Variants in TMX2 observed in about 807,000 individuals in gnomAD.
The protein encoded by TMX2 is thioredoxin-related transmembrane protein 2.
Under a neutral mutation model 33.4 loss-of-function variants are expected in TMX2, and 20 were observed. The ratio of observed to expected loss-of-function variants is 0.60; its 90% CI spans 0.42 to 0.87. The LOEUF is 0.87. TMX2 is among the 40% of genes least tolerant of loss of function. TMX2 has a pLI of 0.00. For synonymous variants in TMX2, 166 were observed against 140.7 expected, an observed-to-expected ratio of 1.18 and a Z score of -1.27; for missense variants, 340 against 370.7, an observed-to-expected ratio of 0.92 and a Z score of 0.68.
intron 3 of TMX2, 21 bp from the exon 4 acceptor site, chr11:57,738,333 A>G: frequency 1.3e-6 from 2 of 1,566,024 alleles, no homozygotes; most frequent in South Asian, 1.1e-5. Flanking sequence ...GTTTCCTTCG[A>G]CATCTTCTTT....
intron 1 of TMX2, among the ~76,000 whole-genome samples, chr11:57,736,569 A>T (rs1455478278): frequency 6.6e-6 from 1 of 151,916 alleles, no homozygotes; most frequent in East Asian, 1.9e-4. Context: ...GATTATCACG[A>T]TGCATATTGG....
Position 57,712,675 on chromosome 11 carries a change from A to G in TMX2, c.57A>G (p.Arg19=), listed in dbSNP as rs747774476. The stretch of plus-strand genomic sequence containing the variant: ...TGTATTCGGTGCCGCGACTTTCACG[A>G]TGGCTCGCCCAACCTTACTACCTTC... ...ALVYSVPRLS[R]WLAQPYYLLS... Residue 19 remains arginine (R), a synonymous_variant, in exon 1 of 8, where the codon CGA becomes CGG. Coordinates refer to ENST00000278422, the MANE Select transcript of TMX2 (RefSeq NM_015959.4). The G allele has an allele frequency of 6.2e-6, 10 of 1,614,158 alleles. No individual in the cohort carries two copies. In the East Asian group the frequency reaches 1.8e-4, roughly 29 times the overall value.
intron 1 of TMX2, among the ~76,000 whole-genome samples, chr11:57,734,578 T>C (rs1169691311): frequency 1.3e-5 from 2 of 151,494 alleles, no homozygotes; most frequent in Non-Finnish European, 2.9e-5. Flanking sequence ...TGAAACCCCA[T>C]CTCTACTAAA....
chr11:57,718,603 A>T, intron 1 of TMX2: 1 of 485,994 alleles, frequency 2.1e-6, no homozygotes. Flanking sequence ...GTTTAGTTTT[A>T]TCTATATCAT....
intron 1 of TMX2, among the ~76,000 whole-genome samples, chr11:57,726,324 A>C (rs1216424315): frequency 1.3e-5 from 2 of 151,906 alleles, no homozygotes; most frequent in Non-Finnish European, 2.9e-5. Flanking sequence ...GAGGTAGGAG[A>C]ATTGCTTGAA....
chr11:57,738,413 A>G lies in TMX2; in HGVS notation c.424A>G (p.Asn142Asp), dbSNP rs771566111. Residue 142 changes from asparagine to aspartate, a missense_variant, in exon 4 of 8, where the codon AAT (asparagine) becomes GAT (aspartate). By Grantham distance (23) the Asn-to-Asp change is conservative (BLOSUM62 1). Coordinates refer to ENST00000278422, the MANE Select transcript of TMX2 (RefSeq NM_015959.4). ...YMGPEYIKYF[N>D]DKTIDEELER... ...GGGCCCTGAGTATATCAAGTACTTCAATGATAAAACCATTGATGTGAGTGC... is the reference window on the plus strand; with the variant it reads ...GGGCCCTGAGTATATCAAGTACTTCGATGATAAAACCATTGATGTGAGTGC... 83 of 1,611,812 alleles carry G rather than the reference A, an allele frequency of 5.1e-5. No individual in the cohort carries two copies. The highest frequency in any genetic ancestry group is 6.9e-5 in the Non-Finnish European group (81 of 1,178,110).
At position 57,737,671 on chromosome 11, in the gene TMX2, A is replaced by G. The variant is rs963469964; in HGVS notation, c.250+3A>G. ...GATGATGAAGAACCGCAGATCCAGT[A>G]AGTTTAGTTCACTTCTCAGACTCAA... On this transcript the variant is annotated splice_donor_region_variant and intron_variant, in intron 2 of 7. Coordinates refer to ENST00000278422, the MANE Select transcript of TMX2 (RefSeq NM_015959.4). 56 of 1,613,700 alleles carry G rather than the reference A, an allele frequency of 3.5e-5. No individual in the cohort carries two copies. The highest frequency in any genetic ancestry group is 4.7e-5 in the Non-Finnish European group (55 of 1,179,682).
intron 1 of TMX2, among the ~76,000 whole-genome samples, chr11:57,728,935 T>C (rs992813395): frequency 1.8e-4 from 28 of 152,090 alleles, no homozygotes; most frequent in African/African-American, 6.3e-4. Context: ...GAAACACACA[T>C]GAGGGCTGAT....
At chr11:57,718,467 C>A (rs989697095) in intron 1 of TMX2, 34 of 1,024,434 alleles carry the variant, frequency 3.3e-5, no homozygotes, top group Admixed American at 5.2e-5. Flanking sequence ...GCAAACAGCT[C>A]GAAGGAGATG....
intron 4 of TMX2, 48 bp from the exon 5 acceptor site, chr11:57,738,616 C>T: frequency 6.6e-7 from 1 of 1,525,740 alleles, no homozygotes; most frequent in Non-Finnish European, 9.1e-7. Context: ...TGAACCTTCC[C>T]AGGAGGCTAT....
At chr11:57,737,697 G>A in intron 2 of TMX2, 29 bp downstream of exon 2, 2 of 1,607,186 alleles carry the variant, frequency 1.2e-6, no homozygotes, top group Non-Finnish European at 1.7e-6. Flanking sequence ...TCAGACTCAA[G>A]GTTAGATCTA....
Position 57,717,176 on chromosome 11 carries a change from A to G in TMX2, c.189+4369A>G, listed in dbSNP as rs537158593. Among the ~76,000 whole-genome samples, 312 of 150,160 alleles carry G rather than the reference A, an allele frequency of 2.1e-3. 3 individuals carry two copies. The highest frequency in any genetic ancestry group is 0.016 in the Admixed American group (237 of 15,124). ...TGGGAAGAGGCGCTCCTCACTTCCT[A>G]GATGGGATGGCGGCCGGGCAGAGAC... On this transcript the variant is annotated intron_variant, in intron 1 of 7. Transcript: ENST00000278422.
In TMX2 at chr11:57,738,692, C is replaced by T; in HGVS notation, c.470C>T (p.Thr157Ile). 1.2e-6 allele frequency: 2 copies of T among 1,614,028 alleles called. No homozygotes were observed. The highest frequency in any genetic ancestry group is 1.7e-6 in the Non-Finnish European group (2 of 1,180,042). Residue 157 changes from threonine (T) to isoleucine (I), a missense_variant, in exon 5 of 8, where the codon ACT becomes ATT. Thr to Ile is a moderately conservative substitution (Grantham distance 89). Around this residue, in one of 3 missense-constraint regions of TMX2, gnomAD observed 209 missense variants for 241.6 expected, o/e 0.87. Transcript: ENST00000278422. ...GAACTAGAACGGGACAAGAGGGTCA[C>T]TTGGATTGTGGAGTTCTTTGCCAAT... ...DEELERDKRVTWIVEFFANWS... is the reference protein window; with the variant it reads ...DEELERDKRVIWIVEFFANWS...
At chr11:57,717,757 GAGGC>G (rs1466191436) in intron 1 of TMX2, among the ~76,000 whole-genome samples, 13 of 98,830 alleles carry the variant, frequency 1.3e-4, no homozygotes, top group Admixed American at 5.1e-4. Flanking sequence ...GGGAGAGGGA[GAGGC>G]AGAGGCAGAG....
intron 7 of TMX2, 46 bp downstream of exon 7, chr11:57,739,306 G>A: frequency 6.2e-7 from 1 of 1,609,596 alleles, no homozygotes; most frequent in Non-Finnish European, 8.5e-7. Flanking sequence ...AGAACAGTAG[G>A]TGGGCTTTCA....
At chr11:57,720,249 T>G (rs1947526316) in intron 1 of TMX2, among the ~76,000 whole-genome samples, 1 of 152,206 alleles carries the variant, frequency 6.6e-6, no homozygotes, top group Non-Finnish European at 1.5e-5. Context: ...CTCTTCTCTC[T>G]TTTGAATTAA....
At chr11:57,713,371 C>T (rs1001792877) in intron 1 of TMX2, among the ~76,000 whole-genome samples, 22 of 152,142 alleles carry the variant, frequency 1.4e-4, no homozygotes, top group Non-Finnish European at 1.9e-4. Flanking sequence ...AGGCACTCTG[C>T]TTGATCCTGA....
intron 1 of TMX2, chr11:57,718,644 ACCC>A (rs989216740): frequency 7.4e-6 from 2 of 268,882 alleles, no homozygotes; most frequent in African/African-American, 5.0e-5. Context: ...TTCTGAAATA[ACCC>A]CCCCTCTTTT....
At chr11:57,724,349 C>T (rs1947835549) in intron 1 of TMX2, among the ~76,000 whole-genome samples, 2 of 152,146 alleles carry the variant, frequency 1.3e-5, no homozygotes, top group South Asian at 2.1e-4. Context: ...CCAGATGAAG[C>T]AGTTAGTATG....
Sources: allele counts gnomAD v4.1 joint callset (sites outside exome capture counted in the v4.1 genomes callset), GRCh38; gene constraint gnomAD v4.1.1; regional missense constraint gnomAD v4.1.1; transcripts MANE v1.5; gene names NCBI Gene and HGNC (gene_info 2026-07-23, HGNC 2026-07-21).